TFB1M: variants seen among roughly 807,000 people sequenced by gnomAD.
TFB1M encodes the protein dimethyladenosine transferase 1, mitochondrial.
A neutral mutation model predicts 31.1 loss-of-function variants in TFB1M; 27 were observed. The ratio of observed to expected loss-of-function variants is 0.87; its 90% CI spans 0.64 to 1.20. The LOEUF is 1.20. Among genes scored for constraint, TFB1M ranks in the 50% most tolerant of loss-of-function variants. The pLI is 0.00. For synonymous variants in TFB1M, 166 were observed against 151.8 expected (o/e 1.09, Z -0.69); for missense variants, 394 against 418.7 (o/e 0.94, Z 0.51).
At chr6:155,234,003 T>TTG in the TFB1M span, among the ~76,000 whole-genome samples, 8 of 147,368 alleles carry the variant, frequency 5.4e-5, no homozygotes, top group South Asian at 4.3e-4. Flanking sequence ...AAATTTTTTT[T>TTG]GGGGGGGGGT....
the TFB1M span, chr6:155,244,230 C>A: frequency 1.3e-6 from 1 of 747,448 alleles, no homozygotes; most frequent in South Asian, 1.8e-5. Flanking sequence ...TAGCCTCCTC[C>A]TAAACCACTG....
downstream of TFB1M, chr6:155,254,274 C>T (rs779049840): frequency 7.2e-5 from 79 of 1,099,494 alleles, no homozygotes; most frequent in South Asian, 9.4e-5. Context: ...TCCTTCTGTA[C>T]GGGAGGCCAC....
intron 2 of TFB1M, among the ~76,000 whole-genome samples, chr6:155,302,329 T>C (rs1367668239): frequency 6.6e-6 from 1 of 152,190 alleles, no homozygotes; most frequent in Non-Finnish European, 1.5e-5. Flanking sequence ...GGCAAAACTG[T>C]TAAGCAAACT....
At chr6:155,269,327 T>TTTTTC (rs1275021721) in intron 5 of TFB1M, among the ~76,000 whole-genome samples, 1 of 145,640 alleles carries the variant, frequency 6.9e-6, no homozygotes, top group Non-Finnish European at 1.5e-5. Flanking sequence ...TTCTTTTCTT[T>TTTTTC]TTTTTTTTTT....
At chr6:155,264,945 A>G (rs981515666) in intron 5 of TFB1M, among the ~76,000 whole-genome samples, 1 of 152,218 alleles carries the variant, frequency 6.6e-6, no homozygotes, top group South Asian at 2.1e-4. Flanking sequence ...AATCCTCAAG[A>G]AAGCACAAAT....
At chr6:155,284,937 T>G (rs1776557317) in intron 5 of TFB1M, among the ~76,000 whole-genome samples, 3 of 152,216 alleles carry the variant, frequency 2.0e-5, no homozygotes, top group Admixed American at 1.3e-4. Flanking sequence ...CAGGATAACA[T>G]GCATGAACCT....
chr6:155,284,627 CT>C (rs1776538822), intron 5 of TFB1M, among the ~76,000 whole-genome samples: 1 of 152,148 alleles, frequency 6.6e-6, no homozygotes, highest in Non-Finnish European at 1.5e-5. Context: ...GGCAGAGAAA[CT>C]CTGTTTCTGT....
intron 5 of TFB1M, chr6:155,275,929 T>C (rs745879488): frequency 6.7e-5 from 108 of 1,614,018 alleles, no homozygotes; most frequent in Non-Finnish European, 8.7e-5. Flanking sequence ...AACACTCCAT[T>C]CTGTCCCTCC....
intron 4 of TFB1M, among the ~76,000 whole-genome samples, chr6:155,291,765 A>T (rs568557185): frequency 1.1e-3 from 161 of 152,312 alleles, no homozygotes; most frequent in African/African-American, 3.8e-3. Flanking sequence ...ACATTGCCAA[A>T]TGCCCCTGAG....
At chr6:155,237,935 CT>C in the TFB1M span, among the ~76,000 whole-genome samples, 52 of 152,360 alleles carry the variant, frequency 3.4e-4, no homozygotes, top group Non-Finnish European at 5.3e-4. Context: ...CATTCAGTCC[CT>C]CTTTACTTAT....
At chr6:155,289,469 T>C (rs915745727) in intron 4 of TFB1M, among the ~76,000 whole-genome samples, 1 of 152,212 alleles carries the variant, frequency 6.6e-6, no homozygotes, top group Non-Finnish European at 1.5e-5. Context: ...AGTTCTCACT[T>C]ACTGCTTAAC....
chr6:155,290,733 T>C (rs956351811), intron 4 of TFB1M, among the ~76,000 whole-genome samples: 32 of 152,150 alleles, frequency 2.1e-4, no homozygotes, highest in African/African-American at 7.7e-4. Context: ...ATAGAGTACA[T>C]AGTATTTTGT....
intron 2 of TFB1M, among the ~76,000 whole-genome samples, chr6:155,309,034 C>T (rs182098478): frequency 6.6e-6 from 1 of 152,238 alleles, no homozygotes; most frequent in African/African-American, 2.4e-5. Flanking sequence ...TTTGTTTCTA[C>T]TAAAAACAAA....
At chr6:155,294,745 T>C (rs1335108517) in intron 4 of TFB1M, among the ~76,000 whole-genome samples, 1 of 152,202 alleles carries the variant, frequency 6.6e-6, no homozygotes, top group East Asian at 1.9e-4. Flanking sequence ...AGAGATCAAC[T>C]TAGCATTATC....
chr6:155,253,976 C>T (rs765956377), downstream of TFB1M: 1 of 1,611,814 alleles, frequency 6.2e-7, no homozygotes, highest in Non-Finnish European at 8.5e-7. Context: ...TACATAGGGA[C>T]AGAAAATAAT....
intron 2 of TFB1M, among the ~76,000 whole-genome samples, chr6:155,304,668 A>C (rs1241272521): frequency 1.3e-5 from 2 of 152,092 alleles, no homozygotes; most frequent in African/African-American, 4.8e-5. Flanking sequence ...GGTAAGGATG[A>C]AAAAAGATTT....
intron 5 of TFB1M, among the ~76,000 whole-genome samples, chr6:155,280,394 G>A (rs909463794): frequency 2.6e-5 from 4 of 152,154 alleles, no homozygotes; most frequent in African/African-American, 7.2e-5. Flanking sequence ...CAATAAGCTG[G>A]TCCCTTGCCT....
At chr6:155,300,994 G>A (rs995049167) in intron 2 of TFB1M, among the ~76,000 whole-genome samples, 2 of 151,838 alleles carry the variant, frequency 1.3e-5, no homozygotes, top group African/African-American at 2.4e-5. Context: ...TAGTAGAGAC[G>A]AGGTTTCACC....
rs754083179 is a variant in TFB1M, at chr6:155,314,471, T to G, written c.-43A>C. 1 of 1,609,490 alleles carries G rather than the reference T, an allele frequency of 6.2e-7. No homozygotes were observed. Among genetic ancestry groups the G allele is most frequent in the Middle Eastern group, 1.8e-4 (1 of 5,648 alleles). ...ATCCAACCCTACCTCACCCAGGACC[T>G]TCACCGCCGCTCCGAAAGAAACGCG... On this transcript the variant is annotated 5_prime_UTR_variant, in exon 1 of 7. Transcript: ENST00000367166.
Sources: allele counts gnomAD v4.1 joint callset (sites outside exome capture counted in the v4.1 genomes callset), GRCh38; gene constraint gnomAD v4.1.1; transcripts MANE v1.5; gene names NCBI Gene and HGNC (gene_info 2026-07-23, HGNC 2026-07-21).